The following LINGO2 variants were observed in gnomAD, a reference collection of about 807,000 sequenced individuals.
LINGO2 encodes leucine rich repeat and Ig domain containing 2.
Under a neutral mutation model 30.6 loss-of-function variants are expected in LINGO2, and 14 were observed. The observed-to-expected ratio is 0.46, with a 90% CI of 0.30 to 0.72. LINGO2 has a LOEUF of 0.72. Ranked by LOEUF, LINGO2 falls within the 30% of genes least tolerant of loss-of-function variation. LINGO2 has a pLI of 0.07. For missense variants in LINGO2, 729 were observed against 751.7 expected, an observed-to-expected ratio of 0.97 and a Z score of 0.35; for synonymous variants, 317 against 288.5, an observed-to-expected ratio of 1.10 and a Z score of -1.00.
intron 4 of LINGO2, among the ~76,000 whole-genome samples, chr9:28,223,004 C>A (rs898300603): frequency 2.6e-5 from 4 of 151,976 alleles, no homozygotes; most frequent in Non-Finnish European, 5.9e-5. Flanking sequence ...ACAGTCATGA[C>A]TTGAAAAGGA....
At chr9:28,411,393 A>G (rs1040881797) in intron 2 of LINGO2, among the ~76,000 whole-genome samples, 1 of 152,104 alleles carries the variant, frequency 6.6e-6, no homozygotes, top group African/African-American at 2.4e-5. Context: ...ATTTTTAGGT[A>G]TACAATTCAG....
the LINGO2 span, among the ~76,000 whole-genome samples, chr9:28,756,764 C>A: frequency 6.6e-6 from 1 of 151,884 alleles, no homozygotes; most frequent in East Asian, 1.9e-4. Flanking sequence ...CTCTTTATTG[C>A]CTGCCACCAG....
At chr9:28,109,201 C>A (rs1826693570) in intron 4 of LINGO2, among the ~76,000 whole-genome samples, 1 of 152,190 alleles carries the variant, frequency 6.6e-6, no homozygotes, top group Non-Finnish European at 1.5e-5. Context: ...AACATCCCTT[C>A]ATGTTAAAAA....
Position 28,189,678 on chromosome 9 carries a change from AG to A in LINGO2, c.-87+105529del, listed in dbSNP as rs1156433560. ...AAGGAAGGAAGGAAGGGAGGAAGGA[AG>A]GAAGGGAGGAAGGAAGGGAGGGAGG... On this transcript the variant is annotated intron_variant, in intron 4 of 5. Coordinates refer to ENST00000379992, the Ensembl canonical transcript of LINGO2. Among the ~76,000 whole-genome samples the A allele has an allele frequency of 6.1e-5, 6 of 98,134 alleles. 1 individual carries two copies. The highest frequency in any genetic ancestry group is 1.6e-4 in the African/African-American group (4 of 25,732). 64.4% of individuals were successfully genotyped at this position (98,134 alleles called of 152,430 possible).
the LINGO2 span, among the ~76,000 whole-genome samples, chr9:29,131,585 C>A: frequency 2.6e-5 from 4 of 152,022 alleles, no homozygotes; most frequent in African/African-American, 9.7e-5. Flanking sequence ...TGCATCCACA[C>A]CGAAAACCAT....
chr9:28,326,814 G>A (rs563658805), intron 3 of LINGO2, among the ~76,000 whole-genome samples: 1 of 152,138 alleles, frequency 6.6e-6, no homozygotes, highest in Non-Finnish European at 1.5e-5. Flanking sequence ...ATGGTCACAA[G>A]AGAACAGGCA....
chr9:28,283,542 G>C (rs73431309), intron 4 of LINGO2, among the ~76,000 whole-genome samples: 1,828 of 152,114 alleles, frequency 0.012, 49 homozygotes, highest in African/African-American at 0.042. Context: ...AATGGCATAG[G>C]GATTGGATTA....
rs149595526 is a variant in LINGO2 at position 28,655,213 on chromosome 9, G to T, written c.-365+14987C>A. Among the ~76,000 whole-genome samples, 595 of 152,112 alleles carry T rather than the reference G, an allele frequency of 3.9e-3. 3 individuals carry two copies. Among genetic ancestry groups the T allele is most frequent in the African/African-American group, 0.013 (543 of 41,504 alleles). The stretch of plus-strand genomic sequence containing the variant: ...AACTCATTCTTCTTCCTGCTGCCAT[G>T]TGAAGAAGGATGTATTTGCTTCCCC... On this transcript the variant is annotated intron_variant, in intron 1 of 5. Coordinates refer to ENST00000379992, the Ensembl canonical transcript of LINGO2.
chr9:28,416,032 A>C (rs1269477217), intron 2 of LINGO2, among the ~76,000 whole-genome samples: 1 of 152,134 alleles, frequency 6.6e-6, no homozygotes, highest in Non-Finnish European at 1.5e-5. Flanking sequence ...TATCTGCTCA[A>C]CTTTTCATTT....
chr9:28,651,538 C>T (rs2135973975), intron 1 of LINGO2, among the ~76,000 whole-genome samples: 1 of 152,212 alleles, frequency 6.6e-6, no homozygotes, highest in Middle Eastern at 3.4e-3. Flanking sequence ...CATCAGAGCT[C>T]TCTAAGGGCT....
the LINGO2 span, among the ~76,000 whole-genome samples, chr9:29,077,820 T>TA: frequency 9.6e-3 from 1,437 of 150,430 alleles, 15 homozygotes; most frequent in Middle Eastern, 0.017. Context: ...CAGAATTATT[T>TA]AAAAAAAAAT....
At chr9:29,092,379 C>A in the LINGO2 span, among the ~76,000 whole-genome samples, 1 of 151,814 alleles carries the variant, frequency 6.6e-6, no homozygotes, top group Non-Finnish European at 1.5e-5. Context: ...ATTCTACACA[C>A]CAAAAAGTTT....
chr9:28,764,575 C>G, the LINGO2 span, among the ~76,000 whole-genome samples: 1 of 151,968 alleles, frequency 6.6e-6, no homozygotes, highest in Non-Finnish European at 1.5e-5. Flanking sequence ...GAAAGCTTTT[C>G]CTCTAGTATT....
At chr9:28,500,775 T>C (rs1587764079) in intron 1 of LINGO2, among the ~76,000 whole-genome samples, 1 of 152,150 alleles carries the variant, frequency 6.6e-6, no homozygotes, top group Middle Eastern at 3.4e-3. Context: ...TGGCTCCAAA[T>C]AGAGAGGTGA....
chr9:28,283,267 C>T (rs1300130214), intron 4 of LINGO2, among the ~76,000 whole-genome samples: 2 of 152,116 alleles, frequency 1.3e-5, no homozygotes, highest in African/African-American at 2.4e-5. Flanking sequence ...GAATTATACA[C>T]GAAGTGTGTC....
chr9:28,188,641 C>G (rs770700449), intron 4 of LINGO2, among the ~76,000 whole-genome samples: 1 of 152,060 alleles, frequency 6.6e-6, no homozygotes, highest in East Asian at 1.9e-4. Flanking sequence ...AAAAAAGTGA[C>G]GGAGATTTCC....
the LINGO2 span, among the ~76,000 whole-genome samples, chr9:29,114,559 C>T: frequency 8.2e-6 from 1 of 122,218 alleles, no homozygotes; most frequent in African/African-American, 3.0e-5. Flanking sequence ...CCCCTCCCCC[C>T]ACCCCATGAC....
chr9:28,837,730 G>T, the LINGO2 span, among the ~76,000 whole-genome samples: 1 of 143,030 alleles, frequency 7.0e-6, no homozygotes, highest in African/African-American at 2.6e-5. Flanking sequence ...AAGCCTCCAT[G>T]CTGAGAACTG....
At position 28,411,398 on chromosome 9, in the gene LINGO2, A is replaced by G. The variant is rs984112248; in HGVS notation, c.-278-38530T>C. 3.3e-5 allele frequency among the ~76,000 whole-genome samples: 5 copies of G among 152,102 alleles called. No homozygotes were observed. In the South Asian group the frequency reaches 6.2e-4, roughly 19 times the overall value. On this transcript the variant is annotated intron_variant, in intron 2 of 5. Coordinates refer to ENST00000379992, the Ensembl canonical transcript of LINGO2. ...TATCTTAACCATTTTTAGGTATACA[A>G]TTCAGTGGTATCATGTACATTCATA...
Sources: allele counts gnomAD v4.1 joint callset (sites outside exome capture counted in the v4.1 genomes callset), GRCh38; gene constraint gnomAD v4.1.1; transcripts MANE v1.5; gene names NCBI Gene and HGNC (gene_info 2026-07-23, HGNC 2026-07-21).